WDFY4: variants seen among roughly 807,000 people sequenced by gnomAD.
WDFY4 encodes WDFY family member 4.
A neutral mutation model predicts 351.9 loss-of-function variants in WDFY4; 169 were observed. The ratio of observed to expected loss-of-function variants is 0.48; its 90% CI spans 0.42 to 0.55. The LOEUF is 0.55. Among genes scored for constraint, WDFY4 ranks in the 20% least tolerant of loss-of-function variants. The pLI is 0.00. For missense variants in WDFY4, 3,803 were observed against 3,935.6 expected (o/e 0.97, Z 0.90); for synonymous variants, 1,622 against 1,574.6 (o/e 1.03, Z -0.71).
At chr10:48,695,025 T>A (rs1254077520) in intron 1 of WDFY4, among the ~76,000 whole-genome samples, 1 of 152,182 alleles carries the variant, frequency 6.6e-6, no homozygotes, top group Non-Finnish European at 1.5e-5. Flanking sequence ...GCTCCTTGCA[T>A]GTTTAATAAT....
At chr10:48,818,901 A>G (rs1388304605) in intron 32 of WDFY4, among the ~76,000 whole-genome samples, 1 of 152,220 alleles carries the variant, frequency 6.6e-6, no homozygotes, top group Non-Finnish European at 1.5e-5. Context: ...CAGCCTGGCC[A>G]GGGAGAGATC....
chr10:48,967,332 G>T (rs1842129714), intron 55 of WDFY4: 1 of 152,280 alleles, frequency 6.6e-6, no homozygotes, highest in Non-Finnish European at 1.5e-5. Flanking sequence ...CAGAGAGTTG[G>T]TGAGGAAAAG....
chr10:48,966,825 G>T, intron 55 of WDFY4, 152 bp downstream of exon 55: 1 of 1,099,124 alleles, frequency 9.1e-7, no homozygotes, highest in Non-Finnish European at 1.3e-6. Context: ...CAGATTCTAG[G>T]GGGGTGTCAT....
At chr10:48,881,700 C>T (rs575714289) in intron 43 of WDFY4, among the ~76,000 whole-genome samples, 1 of 152,172 alleles carries the variant, frequency 6.6e-6, no homozygotes, top group African/African-American at 2.4e-5. Flanking sequence ...GACTGGAGAG[C>T]TCTGTGGAGT....
chr10:48,857,462 C>G (rs1225115074), intron 39 of WDFY4, among the ~76,000 whole-genome samples: 2 of 150,952 alleles, frequency 1.3e-5, no homozygotes, highest in Non-Finnish European at 3.0e-5. Flanking sequence ...TTTTTGGGGC[C>G]TTCAATGCAA....
At chr10:48,755,628 T>G (rs1053159860) in intron 12 of WDFY4, among the ~76,000 whole-genome samples, 20 of 152,182 alleles carry the variant, frequency 1.3e-4, no homozygotes, top group Admixed American at 8.5e-4. Flanking sequence ...TATCTTTTTT[T>G]CCATTGAATT....
At chr10:48,821,574 T>G (rs1163252636) in intron 34 of WDFY4, among the ~76,000 whole-genome samples, 1 of 152,224 alleles carries the variant, frequency 6.6e-6, no homozygotes, top group Admixed American at 6.5e-5. Context: ...ACAATGAACC[T>G]GGATGAAGAT....
chr10:48,734,544 A>ATATATATATATATATATATATATAT, intron 10 of WDFY4, among the ~76,000 whole-genome samples: 1 of 150,892 alleles, frequency 6.6e-6, no homozygotes, highest in African/African-American at 2.4e-5. Flanking sequence ...ATATATATAT[A>ATATATATATATATATATATATATAT]ATGACATAGA....
chr10:48,831,005 A>G, intron 38 of WDFY4, 120 bp downstream of exon 38: 1 of 936,172 alleles, frequency 1.1e-6, no homozygotes, highest in Non-Finnish European at 1.6e-6. Context: ...TCATCCCTTA[A>G]GTGGATGGGA....
At chr10:48,888,730 G>A (rs190305951) in intron 43 of WDFY4, among the ~76,000 whole-genome samples, 116 of 152,228 alleles carry the variant, frequency 7.6e-4, no homozygotes, top group Non-Finnish European at 1.3e-3. Context: ...GGATGTCCCC[G>A]TTCCTTGAAA....
intron 13 of WDFY4, among the ~76,000 whole-genome samples, chr10:48,762,597 C>T (rs2065542698): frequency 6.6e-6 from 1 of 152,224 alleles, no homozygotes; most frequent in Admixed American, 6.5e-5. Context: ...CCAGGATGAC[C>T]TCTTTAGCTG....
In WDFY4 at chr10:48,775,743, C is replaced by T. The variant is rs1414137921; in HGVS notation, c.2800C>T (p.Leu934=). 6.4e-7 allele frequency: 1 copy of T among 1,551,722 alleles called. No individual in the cohort carries two copies. The highest frequency in any genetic ancestry group is 1.2e-5 in the South Asian group (1 of 84,062). The change falls in exon 15 of 62, where the codon CTG becomes TTG. Residue 934 remains leucine, a synonymous_variant. Coordinates refer to ENST00000325239, the MANE Select transcript of WDFY4 (RefSeq NM_001394531.1). The stretch of plus-strand genomic sequence containing the variant: ...TCTAGGTCTTGGAATTCCCTCATCT[C>T]TGTCGGCCACAACAAAAATCCTTGA... ...QFLGLGIPSS[L]SATTKILDSS...
intron 39 of WDFY4, among the ~76,000 whole-genome samples, chr10:48,859,155 G>A (rs1010527415): frequency 6.6e-6 from 1 of 151,882 alleles, no homozygotes; most frequent in Non-Finnish European, 1.5e-5. Context: ...ACAGAATCAG[G>A]GTATCTACAA....
chr10:48,695,577 A>G (rs2132111338), intron 1 of WDFY4, among the ~76,000 whole-genome samples: 1 of 152,354 alleles, frequency 6.6e-6, no homozygotes, highest in Non-Finnish European at 1.5e-5. Flanking sequence ...TTCTAAGAGT[A>G]GAGAACATTG....
intron 13 of WDFY4, among the ~76,000 whole-genome samples, chr10:48,773,337 T>C (rs2065927724): frequency 6.6e-6 from 1 of 152,124 alleles, no homozygotes. Flanking sequence ...TCCATTAAGA[T>C]CTAACCTGTA....
intron 1 of WDFY4, among the ~76,000 whole-genome samples, chr10:48,685,719 G>A (rs1048353322): frequency 4.6e-5 from 7 of 151,954 alleles, no homozygotes; most frequent in African/African-American, 1.4e-4. Flanking sequence ...AGTGTGGGGG[G>A]GCTGGTTTGA....
intron 47 of WDFY4, among the ~76,000 whole-genome samples, chr10:48,938,146 G>T (rs1402639577): frequency 6.6e-6 from 1 of 152,202 alleles, no homozygotes; most frequent in Non-Finnish European, 1.5e-5. Flanking sequence ...AAATCCCTCA[G>T]TCACTCACTA....
intron 14 of WDFY4, among the ~76,000 whole-genome samples, chr10:48,774,921 G>C (rs1470868668): frequency 6.6e-6 from 1 of 152,088 alleles, no homozygotes; most frequent in African/African-American, 2.4e-5. Context: ...AGGAAGTGGA[G>C]CTGCATTCCG....
chr10:48,730,362 A>G (rs1303513330), intron 8 of WDFY4, among the ~76,000 whole-genome samples: 2 of 152,212 alleles, frequency 1.3e-5, no homozygotes, highest in Non-Finnish European at 2.9e-5. Flanking sequence ...GGATGCAGTA[A>G]CACATGGGGC....
Sources: gnomAD v4.1 joint callset for allele counts (sites outside exome capture counted in the v4.1 genomes callset) on GRCh38, gnomAD v4.1.1 for gene constraint, MANE v1.5 for transcripts, NCBI Gene and HGNC (gene_info 2026-07-23, HGNC 2026-07-21) for gene names.